GABRG3: variants seen among roughly 807,000 people sequenced by gnomAD.
GABRG3 encodes gamma-aminobutyric acid receptor subunit gamma-3.
In GABRG3, 25 loss-of-function variants were observed where a neutral mutation model predicts 48.8. The observed-to-expected ratio is 0.51, with a 90% CI of 0.37 to 0.72. GABRG3 has a LOEUF of 0.72. GABRG3 is among the 30% of genes least tolerant of loss of function. GABRG3 has a pLI of 0.00. For synonymous variants in GABRG3, 227 were observed against 217.6 expected (o/e 1.04, Z -0.38); for missense variants, 394 against 577.9 (o/e 0.68, Z 3.26).
At chr15:27,353,883 T>C (rs1353539928) in intron 5 of GABRG3, among the ~76,000 whole-genome samples, 1 of 152,134 alleles carries the variant, frequency 6.6e-6, no homozygotes, top group African/African-American at 2.4e-5. Context: ...CTGTGCATGG[T>C]CTAGTTTCTG....
At chr15:27,451,545 G>A (rs1889111785) in intron 5 of GABRG3, among the ~76,000 whole-genome samples, 1 of 152,020 alleles carries the variant, frequency 6.6e-6, no homozygotes, top group Non-Finnish European at 1.5e-5. Context: ...AACTCAAAAT[G>A]GATTAAAATC....
At chr15:27,312,740 AT>A (rs1240114232) in intron 3 of GABRG3, among the ~76,000 whole-genome samples, 1 of 152,154 alleles carries the variant, frequency 6.6e-6, no homozygotes, top group Non-Finnish European at 1.5e-5. Flanking sequence ...GAGAAAGTTC[AT>A]CACTACTAGG....
rs181594084 is a variant in GABRG3, at chr15:27,484,631, G to T, written c.712+3844G>T. ...TCATTCTCCAATTAAAGGAACCAGGGCTCCTTGGAGAAGTGGCAGATTGTG... is the reference window on the plus strand; with the variant it reads ...TCATTCTCCAATTAAAGGAACCAGGTCTCCTTGGAGAAGTGGCAGATTGTG... On this transcript the variant is annotated intron_variant, in intron 6 of 9. Coordinates refer to ENST00000615808, the MANE Select transcript of GABRG3 (RefSeq NM_033223.5). Among the ~76,000 whole-genome samples, 578 of 152,206 alleles carry T rather than the reference G, an allele frequency of 3.8e-3. 2 individuals are homozygous for T. Among genetic ancestry groups the T allele is most frequent in the African/African-American group, 0.013 (548 of 41,512 alleles).
chr15:27,365,304 G>GACACACACACAC (rs56056093), intron 5 of GABRG3: 3 of 126,758 alleles, frequency 2.4e-5, no homozygotes, highest in African/African-American at 9.6e-5. Context: ...CACAGACACA[G>GACACACACACAC]ACACACACAC....
At position 27,336,208 on chromosome 15, in the gene GABRG3, AAG is replaced by A. The variant is rs71285057; in HGVS notation, c.574+7345_574+7346del. ...CAGTATGAAAAGAAAGAAAGAAAGA[AAG>A]AGAGAGAGAGAGAGAGAGAGAGAGG... On this transcript the variant is annotated intron_variant, in intron 5 of 9. Transcript: ENST00000615808. Among the ~76,000 whole-genome samples the A allele has an allele frequency of 8.6e-3, 1,196 of 138,288 alleles. 7 individuals are homozygous for A. The highest frequency in any genetic ancestry group is 0.019 in the African/African-American group (656 of 34,012). The allele number at this position is 138,288 out of a possible 152,430, so 90.7% of individuals were successfully genotyped here. A position where few individuals can be genotyped will look rare whatever the true frequency, so the allele number is the denominator to read the frequency against.
intron 2 of GABRG3, among the ~76,000 whole-genome samples, chr15:27,001,153 G>A (rs974286676): frequency 7.2e-5 from 11 of 152,208 alleles, no homozygotes; most frequent in Admixed American, 1.3e-4. Context: ...AGTGACCACC[G>A]TCCTTCATTG....
rs1312005252 is a variant in GABRG3 at position 26,972,961 on chromosome 15, CAAGCAATGGA to C, written c.53+1376_53+1385del. Among the ~76,000 whole-genome samples the C allele has an allele frequency of 4.6e-5, 7 of 152,292 alleles. No homozygotes were observed. In the South Asian group the frequency reaches 8.3e-4, roughly 18 times the overall value. On this transcript the variant is annotated intron_variant, in intron 1 of 9. Transcript: ENST00000615808. ...TTTCTGTCTCAAGAGGCAGCTGGTG[CAAGCAATGGA>C]AACATGCTTTCTGAGGTTGCTTCTT...
At chr15:27,165,355 C>T (rs1310245323) in intron 3 of GABRG3, among the ~76,000 whole-genome samples, 1 of 152,172 alleles carries the variant, frequency 6.6e-6, no homozygotes, top group East Asian at 1.9e-4. Context: ...ACACAATGAC[C>T]TCCATGACAA....
chr15:27,005,434 T>C (rs901247070), intron 2 of GABRG3, among the ~76,000 whole-genome samples: 1 of 152,162 alleles, frequency 6.6e-6, no homozygotes, highest in Non-Finnish European at 1.5e-5. Context: ...TCTTTAGATA[T>C]TATTTTTATT....
chr15:27,480,570 A>G, intron 5 of GABRG3, 80 bp from the exon 6 acceptor site: 1 of 1,289,770 alleles, frequency 7.8e-7, no homozygotes, highest in Non-Finnish European at 1.1e-6. Context: ...CCTGTAATTC[A>G]TTGATCAGAA....
intron 5 of GABRG3, among the ~76,000 whole-genome samples, chr15:27,461,144 G>A (rs749631035): frequency 6.6e-6 from 1 of 152,162 alleles, no homozygotes; most frequent in East Asian, 1.9e-4. Context: ...TGCGGCAGGC[G>A]CCTTTCCCAC....
At chr15:26,980,839 T>C (rs896565134) in intron 2 of GABRG3, among the ~76,000 whole-genome samples, 10 of 152,228 alleles carry the variant, frequency 6.6e-5, no homozygotes, top group African/African-American at 2.2e-4. Context: ...TATTTTTTAA[T>C]TTCCCTTGAG....
intron 5 of GABRG3, among the ~76,000 whole-genome samples, chr15:27,389,293 G>C (rs1896148836): frequency 6.6e-6 from 1 of 152,210 alleles, no homozygotes; most frequent in Admixed American, 6.5e-5. Context: ...AAAATATCCA[G>C]TGGTAAGTGT....
At chr15:27,450,287 C>T (rs549204140) in intron 5 of GABRG3, among the ~76,000 whole-genome samples, 47 of 152,234 alleles carry the variant, frequency 3.1e-4, no homozygotes, top group African/African-American at 7.7e-4. Context: ...CCAACATCCC[C>T]GATGAACACA....
chr15:26,982,369 T>G (rs1194797903), intron 2 of GABRG3, among the ~76,000 whole-genome samples: 1 of 152,178 alleles, frequency 6.6e-6, no homozygotes, highest in Non-Finnish European at 1.5e-5. Context: ...ATGGTGTCAC[T>G]GGGCACCACA....
At chr15:27,400,131 A>G (rs1887432222) in intron 5 of GABRG3, among the ~76,000 whole-genome samples, 1 of 152,220 alleles carries the variant, frequency 6.6e-6, no homozygotes, top group Admixed American at 6.5e-5. Flanking sequence ...TTTTTCTTCT[A>G]TACAAAAGCC....
intron 5 of GABRG3, among the ~76,000 whole-genome samples, chr15:27,451,445 A>T (rs1372979978): frequency 2.6e-5 from 4 of 152,232 alleles, no homozygotes; most frequent in African/African-American, 9.6e-5. Flanking sequence ...GGGAAAGGAC[A>T]GTCTCTTCAA....
At chr15:27,192,034 A>G (rs1888329140) in intron 3 of GABRG3, among the ~76,000 whole-genome samples, 4 of 151,976 alleles carry the variant, frequency 2.6e-5, no homozygotes, top group Admixed American at 2.6e-4. Context: ...TCTTTTCTTT[A>G]AGAATGTTGA....
At chr15:27,076,315 T>C (rs972904773) in intron 3 of GABRG3, among the ~76,000 whole-genome samples, 1 of 145,648 alleles carries the variant, frequency 6.9e-6, no homozygotes, top group African/African-American at 2.6e-5. Context: ...TTGAGCCAAC[T>C]GTCTTTTTTT....
Sources: gnomAD v4.1 joint callset for allele counts (sites outside exome capture counted in the v4.1 genomes callset) on GRCh38, gnomAD v4.1.1 for gene constraint, MANE v1.5 for transcripts, NCBI Gene and HGNC (gene_info 2026-07-23, HGNC 2026-07-21) for gene names.